IQCB1: variants seen among roughly 807,000 people sequenced by gnomAD.
IQCB1 encodes the protein IQ motif containing B1.
Under a neutral mutation model 84.4 loss-of-function variants are expected in IQCB1, and 56 were observed. The ratio of observed to expected loss-of-function variants is 0.66; its 90% CI spans 0.54 to 0.83. The LOEUF (loss-of-function observed/expected upper bound fraction) is 0.83. IQCB1 is among the 40% of genes least tolerant of loss of function. IQCB1 has a pLI of 0.00. For synonymous variants in IQCB1, 210 were observed against 234.8 expected (o/e 0.89, Z 0.96); for missense variants, 629 against 682.1 (o/e 0.92, Z 0.87).
rs1036217186 is a variant in IQCB1 at position 121,835,028 on chromosome 3, C to T, written c.-164G>A. 7 of 565,658 alleles carry T rather than the reference C, an allele frequency of 1.2e-5. No individual in the cohort carries two copies. The highest frequency in any genetic ancestry group is 2.2e-5 in the Non-Finnish European group (7 of 314,888). The allele number at this position is 565,658 out of a possible 1,614,324, so 35.0% of individuals were successfully genotyped here. A position where few individuals can be genotyped will look rare whatever the true frequency, so the allele number is the denominator to read the frequency against. On this transcript the variant is annotated 5_prime_UTR_variant, in exon 1 of 15. Transcript: ENST00000310864. ...GGGCTCCCACGCCGCACTACAGCGC[C>T]GCGGCCTTCCGGGGCAGCGTGCGTC...
intron 10 of IQCB1, among the ~76,000 whole-genome samples, chr3:121,790,771 A>G (rs1948933638): frequency 7.2e-6 from 1 of 139,024 alleles, no homozygotes; most frequent in Non-Finnish European, 1.5e-5. Context: ...CAAAAAACTT[A>G]CATTTACTTA....
intron 5 of IQCB1, among the ~76,000 whole-genome samples, chr3:121,815,793 T>G (rs1349536480): frequency 6.6e-6 from 1 of 152,072 alleles, no homozygotes; most frequent in East Asian, 1.9e-4. Context: ...TCCATGCTTA[T>G]GGATAGAAAG....
At chr3:121,775,844 C>T (rs533489460) in intron 13 of IQCB1, among the ~76,000 whole-genome samples, 28 of 152,168 alleles carry the variant, frequency 1.8e-4, no homozygotes, top group Non-Finnish European at 3.1e-4. Flanking sequence ...TTCATCACTA[C>T]GTTTCCTTGT....
intron 7 of IQCB1, among the ~76,000 whole-genome samples, chr3:121,804,940 C>T (rs180972702): frequency 4.3e-4 from 66 of 152,220 alleles, no homozygotes; most frequent in African/African-American, 1.3e-3. Context: ...TCTACTGATA[C>T]GCCTTAAAGT....
At chr3:121,808,344 A>T (rs371868236) in intron 6 of IQCB1, among the ~76,000 whole-genome samples, 1 of 152,126 alleles carries the variant, frequency 6.6e-6, no homozygotes, top group Non-Finnish European at 1.5e-5. Flanking sequence ...TGTTACATCT[A>T]TATTAGATGA....
chr3:121,775,008 G>C (rs994717766), intron 13 of IQCB1, among the ~76,000 whole-genome samples: 2 of 152,106 alleles, frequency 1.3e-5, no homozygotes, highest in Admixed American at 1.3e-4. Context: ...TGGGGCTTGG[G>C]TATGTAATTT....
In IQCB1 at chr3:121,819,883, A is replaced by AAC. The variant is rs201710418; in HGVS notation, c.393+6167_393+6168insGT. Among the ~76,000 whole-genome samples the AAC allele has an allele frequency of 9.8e-3, 1,496 of 152,178 alleles. 10 individuals are homozygous for AAC. The highest frequency in any genetic ancestry group is 0.027 in the Middle Eastern group (8 of 294). On this transcript the variant is annotated intron_variant, in intron 5 of 14. Coordinates refer to ENST00000310864, the MANE Select transcript of IQCB1 (RefSeq NM_001023570.4). ...TTTTATATTAGCATTTTTAGCATGG[A>AAC]ATATATATAAAAAATTTTTGGTATT...
intron 2 of IQCB1, among the ~76,000 whole-genome samples, chr3:121,831,217 G>A (rs888175511): frequency 2.9e-5 from 4 of 135,690 alleles, no homozygotes; most frequent in Non-Finnish European, 6.1e-5. Context: ...CTGTTGCCCA[G>A]GCTGGAGGAC....
In IQCB1 at chr3:121,795,481, A is replaced by T. The variant is rs1444913867; in HGVS notation, c.962T>A (p.Val321Glu). ...RKRLKKLPSA[V>E]IALQRSFRSK... is the part of the protein sequence containing the mutation. The stretch of plus-strand genomic sequence containing the variant: ...CCTGAAACTCCTCTGCAAAGCAATC[A>T]CAGCAGATGGAAGCTTCTTTAATCT... Residue 321 changes from valine (V) to glutamate (E), a missense_variant, in exon 10 of 15, where the codon GTG becomes GAG. Transcript: ENST00000310864. 2 of 1,602,742 alleles carry T rather than the reference A, an allele frequency of 1.2e-6. No individual in the cohort carries two copies. The highest frequency in any genetic ancestry group is 4.5e-5 in the East Asian group (2 of 44,776).
intron 10 of IQCB1, among the ~76,000 whole-genome samples, chr3:121,793,224 T>G (rs114415030): frequency 1.1e-3 from 168 of 152,336 alleles, no homozygotes; most frequent in African/African-American, 3.9e-3. Flanking sequence ...CTAGAGCAGC[T>G]GTTAGCCGCT....
intron 10 of IQCB1, among the ~76,000 whole-genome samples, chr3:121,791,205 CT>C (rs1275889307): frequency 6.6e-6 from 1 of 151,908 alleles, no homozygotes. Flanking sequence ...TCTCTTAGAT[CT>C]TTTTTTTAAA....
At chr3:121,815,890 C>G (rs1395740513) in intron 5 of IQCB1, among the ~76,000 whole-genome samples, 8 of 118,270 alleles carry the variant, frequency 6.8e-5, no homozygotes, top group Non-Finnish European at 1.7e-5. Context: ...ACTTTCTTCA[C>G]AGATTTAGAA....
intron 5 of IQCB1, among the ~76,000 whole-genome samples, chr3:121,811,421 T>C (rs1225629512): frequency 6.6e-6 from 1 of 152,096 alleles, no homozygotes; most frequent in Non-Finnish European, 1.5e-5. Context: ...AGACAGACTG[T>C]TCACTCCCCT....
intron 5 of IQCB1, among the ~76,000 whole-genome samples, chr3:121,823,140 G>C (rs1950334236): frequency 6.6e-6 from 1 of 152,130 alleles, no homozygotes; most frequent in Non-Finnish European, 1.5e-5. Flanking sequence ...AGACACTGTA[G>C]AAGATAGGGT....
In IQCB1 at chr3:121,801,810, CTTTTTTTTTTT is replaced by C. The variant is rs5852277; in HGVS notation, c.588-2447_588-2437del. On this transcript the variant is annotated intron_variant, in intron 7 of 14. Coordinates refer to ENST00000310864, the MANE Select transcript of IQCB1 (RefSeq NM_001023570.4). ...TTGTATTACTACTTTGCTGCAAGGC[CTTTTTTTTTTT>C]TTTTTTTTTTAATTAAAATCAGGGC... Among the ~76,000 whole-genome samples, 81 of 89,920 alleles carry C rather than the reference CTTTTTTTTTTT, an allele frequency of 9.0e-4. 1 individual carries two copies. Among genetic ancestry groups the C allele is most frequent in the African/African-American group, 3.2e-3 (68 of 21,048 alleles). The allele number at this position is 89,920 out of a possible 152,430, so 59.0% of individuals were successfully genotyped here.
At chr3:121,832,157 T>C (rs942104063) in intron 2 of IQCB1, among the ~76,000 whole-genome samples, 3 of 152,224 alleles carry the variant, frequency 2.0e-5, no homozygotes, top group Admixed American at 2.0e-4. Flanking sequence ...TTCTTTTATG[T>C]ATTTTCTATT....
intron 5 of IQCB1, among the ~76,000 whole-genome samples, chr3:121,817,578 G>GT (rs373733661): frequency 2.3e-4 from 35 of 152,054 alleles, no homozygotes; most frequent in African/African-American, 8.4e-4. Flanking sequence ...TCTATTTTAG[G>GT]TTTTCTATTA....
intron 5 of IQCB1, among the ~76,000 whole-genome samples, chr3:121,815,947 AAG>A (rs1466394527): frequency 6.6e-6 from 1 of 151,014 alleles, no homozygotes; most frequent in African/African-American, 2.4e-5. Context: ...AAAAAAAAAA[AAG>A]AGCCCGTATA....
chr3:121,797,248 G>T lies in IQCB1; in HGVS notation c.767-21C>A, dbSNP rs756311948. The stretch of plus-strand genomic sequence containing the variant: ...GAGTCCTGAAATGGAATAGCAAAAG[G>T]TACAACTATTATTATAATAATAAAA... On this transcript the variant is annotated intron_variant, in intron 8 of 14. Transcript: ENST00000310864. The T allele has an allele frequency of 3.8e-6, 4 of 1,052,374 alleles. No individual in the cohort carries two copies. In the South Asian group the frequency reaches 4.0e-5, roughly 10 times the overall value. 65.2% of individuals were successfully genotyped at this position (1,052,374 alleles called of 1,614,324 possible).
Sources: gnomAD v4.1 joint callset for allele counts (sites outside exome capture counted in the v4.1 genomes callset) on GRCh38, gnomAD v4.1.1 for gene constraint, MANE v1.5 for transcripts, NCBI Gene and HGNC (gene_info 2026-07-23, HGNC 2026-07-21) for gene names.